Variants in JMJD1C observed in about 807,000 individuals in gnomAD.
The protein encoded by JMJD1C is jumonji domain-containing protein 1C.
JMJD1C carries 31 observed loss-of-function variants against 245.3 expected under a neutral mutation model. That is an observed-to-expected ratio of 0.13 (90% CI 0.09 to 0.17). The LOEUF is 0.17. Among genes scored for constraint, JMJD1C ranks in the 10% least tolerant of loss-of-function variants. The pLI, the probability that JMJD1C is intolerant of heterozygous loss-of-function variation, is 1.00. For missense variants in JMJD1C, 2,691 were observed against 3,000.2 expected, an observed-to-expected ratio of 0.90 and a Z score of 2.41; for synonymous variants, 1,057 against 1,017.4, an observed-to-expected ratio of 1.04 and a Z score of -0.74.
chr10:63,492,456 AG>A (rs1954208121), intron 1 of JMJD1C, among the ~76,000 whole-genome samples: 1 of 152,192 alleles, frequency 6.6e-6, no homozygotes, highest in Non-Finnish European at 1.5e-5. Context: ...ACTTGAGGTC[AG>A]GGGTTTAAGA....
At chr10:63,219,231 T>C (rs769596939) in intron 4 of JMJD1C, among the ~76,000 whole-genome samples, 9 of 152,194 alleles carry the variant, frequency 5.9e-5, no homozygotes, top group Non-Finnish European at 1.3e-4. Context: ...TGACACTTAA[T>C]GGCATGGAAG....
At chr10:63,379,150 T>G (rs7910927) in intron 2 of JMJD1C, among the ~76,000 whole-genome samples, 64,604 of 151,716 alleles carry the variant, frequency 0.43, 14,365 homozygotes, top group South Asian at 0.53. Flanking sequence ...AAATAGAAAA[T>G]TTATATGCAT....
intron 1 of JMJD1C, among the ~76,000 whole-genome samples, chr10:63,414,922 T>C (rs1043739757): frequency 7.2e-6 from 1 of 139,618 alleles, no homozygotes; most frequent in Non-Finnish European, 1.6e-5. Flanking sequence ...AAAAAAAAAA[T>C]TATTCCAACA....
chr10:63,388,852 T>A (rs1389044973), intron 1 of JMJD1C, among the ~76,000 whole-genome samples: 2 of 152,118 alleles, frequency 1.3e-5, no homozygotes, highest in Admixed American at 1.3e-4. Flanking sequence ...AGACATTCCA[T>A]GCAAATAGAA....
At chr10:63,229,275 A>G (rs1849680287) in intron 3 of JMJD1C, among the ~76,000 whole-genome samples, 1 of 152,216 alleles carries the variant, frequency 6.6e-6, no homozygotes, top group Non-Finnish European at 1.5e-5. Context: ...GTTAATTCAG[A>G]CGTCTAGAAT....
intron 2 of JMJD1C, among the ~76,000 whole-genome samples, chr10:63,284,548 T>A (rs1319063128): frequency 1.3e-5 from 2 of 152,064 alleles, no homozygotes; most frequent in Non-Finnish European, 2.9e-5. Flanking sequence ...CATCCATAGG[T>A]TCTTGGGAAT....
intron 1 of JMJD1C, among the ~76,000 whole-genome samples, chr10:63,461,253 A>G (rs945382753): frequency 6.6e-5 from 10 of 152,202 alleles, no homozygotes; most frequent in African/African-American, 2.4e-4. Flanking sequence ...TACCAAAAAA[A>G]CCAATTTTGC....
At chr10:63,499,063 T>C (rs1457271998) in intron 1 of JMJD1C, among the ~76,000 whole-genome samples, 1 of 152,214 alleles carries the variant, frequency 6.6e-6, no homozygotes, top group Non-Finnish European at 1.5e-5. Flanking sequence ...TTCCTTCTTT[T>C]TCTAAGTCTA....
At chr10:63,374,339 A>G (rs1474871962) in intron 2 of JMJD1C, among the ~76,000 whole-genome samples, 2 of 152,212 alleles carry the variant, frequency 1.3e-5, no homozygotes, top group African/African-American at 4.8e-5. Flanking sequence ...GCAGAGAAAG[A>G]GTAACATTCA....
intron 17 of JMJD1C, among the ~76,000 whole-genome samples, chr10:63,189,918 TCTCA>T (rs1485617195): frequency 6.9e-6 from 1 of 144,748 alleles, no homozygotes; most frequent in African/African-American, 2.6e-5. Flanking sequence ...GAGATGGGAG[TCTCA>T]CTCTGTTGCC....
At chr10:63,359,824 G>A (rs1359942470) in intron 2 of JMJD1C, among the ~76,000 whole-genome samples, 1 of 152,012 alleles carries the variant, frequency 6.6e-6, no homozygotes, top group Non-Finnish European at 1.5e-5. Flanking sequence ...CTTTTTTAAG[G>A]ATGGCTTGGT....
chr10:63,176,932 A>AT (rs1842915054), intron 23 of JMJD1C: 1 of 153,030 alleles, frequency 6.5e-6, no homozygotes. Context: ...TGAAAAATCA[A>AT]TTTCAAGGGA....
At chr10:63,399,981 C>T (rs1245178172) in intron 1 of JMJD1C, among the ~76,000 whole-genome samples, 1 of 151,916 alleles carries the variant, frequency 6.6e-6, no homozygotes, top group Non-Finnish European at 1.5e-5. Context: ...TGAACACATA[C>T]TCAAATATAT....
At chr10:63,337,855 C>G (rs115972663) in intron 2 of JMJD1C, among the ~76,000 whole-genome samples, 2,253 of 152,224 alleles carry the variant, frequency 0.015, 54 homozygotes, top group African/African-American at 0.052. Context: ...AGTAAGAAAT[C>G]TCTTCGCAAA....
chr10:63,208,757 G>A lies in JMJD1C; in HGVS notation c.2912C>T (p.Ala971Val). Residue 971 changes from alanine to valine, a missense_variant, in exon 10 of 26, where the codon GCA (alanine) becomes GTA (valine). Physicochemically the swap from Ala to Val is moderately conservative, Grantham distance 64. Coordinates refer to ENST00000399262, the MANE Select transcript of JMJD1C (RefSeq NM_032776.3). The stretch of plus-strand genomic sequence containing the variant: ...CAGGTCATTTTTGGCTGATGTGGAT[G>A]CAACAGACCGTAATGGTTCCATAAA... ...KAFMEPLRSV[A>V]STSAKNDLDL... 2.5e-6 allele frequency: 4 copies of A among 1,611,004 alleles called. No homozygotes were observed. Among genetic ancestry groups the A allele is most frequent in the Non-Finnish European group, 3.4e-6 (4 of 1,179,012 alleles).
chr10:63,294,548 T>C (rs1859156046), intron 2 of JMJD1C, among the ~76,000 whole-genome samples: 2 of 152,196 alleles, frequency 1.3e-5, no homozygotes, highest in African/African-American at 2.4e-5. Context: ...CCTCCCAAAG[T>C]GCTGGGATTA....
chr10:63,503,976 G>T (rs1430840958), intron 1 of JMJD1C, among the ~76,000 whole-genome samples: 76 of 152,100 alleles, frequency 5.0e-4, no homozygotes, highest in Admixed American at 5.0e-3. Context: ...TCCCTATTCT[G>T]CTTCCTTGCT....
chr10:63,193,437 T>G lies in JMJD1C; in HGVS notation c.5770A>C (p.Arg1924=). ...TGGGATTTAATACCATATTTTTCCC[T>G]AAGAGTGTGCATGGCATCTAGAAGA... ...TDLLDAMHTL[R]EKYGIKSHCH... is the part of the protein sequence containing the mutation. The change falls in exon 15 of 26, where the codon AGG becomes CGG. Residue 1924 remains arginine, a synonymous_variant. Transcript: ENST00000399262. 6.3e-7 allele frequency: 1 copy of G among 1,598,916 alleles called. No individual in the cohort carries two copies. Among genetic ancestry groups the G allele is most frequent in the Non-Finnish European group, 8.5e-7 (1 of 1,169,814 alleles).
chr10:63,483,547 T>C (rs1589817958), intron 1 of JMJD1C, among the ~76,000 whole-genome samples: 2 of 152,208 alleles, frequency 1.3e-5, no homozygotes, highest in African/African-American at 2.4e-5. Flanking sequence ...CAAATGACAA[T>C]TGCTCTACTT....
Sources: gnomAD v4.1 joint callset for allele counts (sites outside exome capture counted in the v4.1 genomes callset) on GRCh38, gnomAD v4.1.1 for gene constraint, MANE v1.5 for transcripts, NCBI Gene and HGNC (gene_info 2026-07-23, HGNC 2026-07-21) for gene names.